The following AGR2 variants were observed in gnomAD, a reference collection of about 807,000 sequenced individuals.
AGR2 encodes the protein anterior gradient protein 2 homolog.
A neutral mutation model predicts 25.9 loss-of-function variants in AGR2; 27 were observed. That is an observed-to-expected ratio of 1.04 (90% CI 0.77 to 1.44). The LOEUF is 1.44. Ranked by LOEUF, AGR2 falls within the 40% of genes most tolerant of loss-of-function variation. The pLI, the probability that AGR2 is intolerant of heterozygous loss-of-function variation, is 0.00. For synonymous variants in AGR2, 78 were observed against 72.0 expected (o/e 1.08, Z -0.42); for missense variants, 182 against 200.9 (o/e 0.91, Z 0.57).
At chr7:16,801,297 C>G in intron 3 of AGR2, 23 bp downstream of exon 3, 7 of 1,612,666 alleles carry the variant, frequency 4.3e-6, no homozygotes, top group Non-Finnish European at 5.1e-6. Context: ...TTTGAGGGAG[C>G]TCTGAGTAAT....
At chr7:16,795,316 G>A (rs1562526018) in intron 6 of AGR2, among the ~76,000 whole-genome samples, 1 of 135,750 alleles carries the variant, frequency 7.4e-6, no homozygotes, top group Non-Finnish European at 1.5e-5. Context: ...GGGTGACATG[G>A]TGTTTTTTTT....
At position 16,797,126 on chromosome 7, in the gene AGR2, C is replaced by T. The variant is rs549517369; in HGVS notation, c.394+505G>A. ...ATTTTTTAGTAGAGATGGGGTTTCA[C>T]CTTGTTGGCCAGGCTGGTTTGGAGC... On this transcript the variant is annotated intron_variant, in intron 6 of 7. Coordinates refer to ENST00000419304, the MANE Select transcript of AGR2 (RefSeq NM_006408.4). Among the ~76,000 whole-genome samples the T allele has an allele frequency of 1.1e-3, 173 of 152,126 alleles. 1 individual carries two copies. Among genetic ancestry groups the T allele is most frequent in the African/African-American group, 3.9e-3 (163 of 41,484 alleles).
At chr7:16,802,842 C>CT (rs1785171968) in intron 1 of AGR2, among the ~76,000 whole-genome samples, 2 of 151,860 alleles carry the variant, frequency 1.3e-5, no homozygotes, top group South Asian at 2.1e-4. Flanking sequence ...TTTACATTTA[C>CT]TTTTTTTGGA....
intron 2 of AGR2, 136 bp downstream of exon 2, chr7:16,801,522 T>C: frequency 3.7e-6 from 5 of 1,351,546 alleles, no homozygotes; most frequent in Non-Finnish European, 4.2e-6. Flanking sequence ...GAAATAATTA[T>C]AAACAGTGAT....
intron 7 of AGR2, among the ~76,000 whole-genome samples, chr7:16,794,129 G>C (rs767036758): frequency 6.6e-6 from 1 of 152,128 alleles, no homozygotes; most frequent in Non-Finnish European, 1.5e-5. Context: ...CCAACATGAC[G>C]TTCTAAGTCA....
intron 7 of AGR2, among the ~76,000 whole-genome samples, chr7:16,793,480 A>G (rs1371119292): frequency 2.0e-5 from 3 of 152,158 alleles, no homozygotes; most frequent in Admixed American, 6.5e-5. Flanking sequence ...TTCATCTCCA[A>G]CCCTCACTTC....
Position 16,792,089 on chromosome 7 carries a change from C to T in AGR2, c.*819G>A, listed in dbSNP as rs1784974413. On this transcript the variant is annotated 3_prime_UTR_variant, in exon 8 of 8. Coordinates refer to ENST00000419304, the MANE Select transcript of AGR2 (RefSeq NM_006408.4). ...CTCTGATCTCCATCTGCCTCATCAA[C>T]ACGTCACCACCCTTTGCTCTTCTTC... is the stretch of plus-strand genomic sequence containing the variant. 1 of 152,252 alleles carries T rather than the reference C, an allele frequency of 6.6e-6. No homozygotes were observed. Among genetic ancestry groups the T allele is most frequent in the Non-Finnish European group, 1.5e-5 (1 of 68,084 alleles). 9.4% of individuals were successfully genotyped at this position (152,252 alleles called of 1,614,324 possible).
At chr7:16,798,422 A>T (rs572349758) in intron 5 of AGR2, among the ~76,000 whole-genome samples, 33 of 152,218 alleles carry the variant, frequency 2.2e-4, no homozygotes, top group African/African-American at 7.5e-4. Flanking sequence ...AGTTGGGGGG[A>T]TGCACGAGGG....
intron 1 of AGR2, 113 bp downstream of exon 1, chr7:16,804,822 C>G (rs1562529125): frequency 6.6e-6 from 1 of 152,274 alleles, no homozygotes; most frequent in African/African-American, 2.4e-5. Flanking sequence ...ACTTCATTGC[C>G]TTTGGAAACT....
chr7:16,799,476 A>T, intron 5 of AGR2: 2 of 389,912 alleles, frequency 5.1e-6, no homozygotes, highest in Non-Finnish European at 9.2e-6. Flanking sequence ...ACAGCAAGTA[A>T]CAAAAACCTT....
rs568054745 is a variant in AGR2, at chr7:16,794,836, C to G, written c.478+100G>C. The G allele has an allele frequency of 3.2e-6, 5 of 1,584,384 alleles. No individual in the cohort carries two copies. In the South Asian group the frequency reaches 3.4e-5, roughly 11 times the overall value. ...AACTGAGTCCGAGGCGTCCCTAAGC[C>G]TAGCTCTCTCTCACCTCACCATGCA... is the stretch of plus-strand genomic sequence containing the variant. On this transcript the variant is annotated intron_variant, in intron 7 of 7. Transcript: ENST00000419304.
At chr7:16,804,649 G>T (rs1368266643) in intron 1 of AGR2, among the ~76,000 whole-genome samples, 1 of 152,100 alleles carries the variant, frequency 6.6e-6, no homozygotes, top group Non-Finnish European at 1.5e-5. Flanking sequence ...CCTGTCCCAG[G>T]CTTGAAAAAT....
At chr7:16,795,342 ATT>A in intron 6 of AGR2, among the ~76,000 whole-genome samples, 1 of 151,318 alleles carries the variant, frequency 6.6e-6, no homozygotes, top group Admixed American at 6.6e-5. Flanking sequence ...TGGTGAAAAC[ATT>A]AACATTCTCT....
chr7:16,802,823 C>G (rs1313246789), intron 1 of AGR2, among the ~76,000 whole-genome samples: 2 of 152,020 alleles, frequency 1.3e-5, no homozygotes, highest in African/African-American at 4.8e-5. Context: ...ACTCTAGTAG[C>G]TAAGAAAATT....
At chr7:16,802,164 C>A (rs1393775666) in intron 1 of AGR2, among the ~76,000 whole-genome samples, 1 of 151,948 alleles carries the variant, frequency 6.6e-6, no homozygotes, top group African/African-American at 2.4e-5. Flanking sequence ...AGAGAGAGAC[C>A]AAATTCACCT....
In AGR2 at chr7:16,804,503, T is replaced by A. The variant is rs575071932; in HGVS notation, c.-8+432A>T. Among the ~76,000 whole-genome samples, 21 of 152,286 alleles carry A rather than the reference T, an allele frequency of 1.4e-4. No individual in the cohort carries two copies. In the East Asian group the frequency reaches 3.7e-3, roughly 27 times the overall value. ...TTTGCAGCAAAAAGAGAAAGAAAAC[T>A]GTTTTCTGATTTGCAATAATATATT... On this transcript the variant is annotated intron_variant, in intron 1 of 7. Coordinates refer to ENST00000419304, the MANE Select transcript of AGR2 (RefSeq NM_006408.4).
At chr7:16,797,207 C>T (rs898252226) in intron 6 of AGR2, among the ~76,000 whole-genome samples, 8 of 152,054 alleles carry the variant, frequency 5.3e-5, no homozygotes, top group African/African-American at 1.2e-4. Context: ...GGATTACAGG[C>T]GTGAGCCACC....
At chr7:16,793,298 C>T (rs899958554) in intron 7 of AGR2, among the ~76,000 whole-genome samples, 9 of 152,184 alleles carry the variant, frequency 5.9e-5, no homozygotes, top group Non-Finnish European at 1.3e-4. Flanking sequence ...ATCCACACAC[C>T]TCGGCCTCCC....
chr7:16,797,594 T>C (rs1204930415), intron 6 of AGR2, 37 bp downstream of exon 6: 3 of 1,592,230 alleles, frequency 1.9e-6, no homozygotes, highest in Non-Finnish European at 2.6e-6. Context: ...AGCACTAGTA[T>C]GTGTTTCCGA....
Sources: allele counts gnomAD v4.1 joint callset (sites outside exome capture counted in the v4.1 genomes callset), GRCh38; gene constraint gnomAD v4.1.1; transcripts MANE v1.5; gene names NCBI Gene and HGNC (gene_info 2026-07-23, HGNC 2026-07-21).